The following NT5DC4 variants were observed in gnomAD, a reference collection of about 807,000 sequenced individuals.
The protein encoded by NT5DC4 is 5'-nucleotidase domain containing 4.
NT5DC4 carries 44 observed loss-of-function variants against 26.6 expected under a neutral mutation model. The ratio of observed to expected loss-of-function variants is 1.65; its 90% CI spans 1.30 to 2.13. The LOEUF (loss-of-function observed/expected upper bound fraction) is 2.13. Ranked by LOEUF, NT5DC4 falls within the 30% of genes most tolerant of loss-of-function variation. The pLI is 0.00. For synonymous variants in NT5DC4, 157 were observed against 86.7 expected (o/e 1.81, Z -4.51); for missense variants, 399 against 228.1 (o/e 1.75, Z -4.83).
downstream of NT5DC4, among the ~76,000 whole-genome samples, chr2:112,740,217 G>C (rs1425467738): frequency 6.6e-6 from 1 of 152,176 alleles, no homozygotes; most frequent in Non-Finnish European, 1.5e-5. Context: ...GTGTGTCAGA[G>C]AGTTTAGGAT....
chr2:112,735,967 G>C (rs1679104236), intron 16 of NT5DC4, among the ~76,000 whole-genome samples: 1 of 152,080 alleles, frequency 6.6e-6, no homozygotes, highest in African/African-American at 2.4e-5. Context: ...CTGCTCTTTT[G>C]GGAACTAAGC....
At chr2:112,724,399 G>T in intron 10 of NT5DC4, 2 of 586,218 alleles carry the variant, frequency 3.4e-6, no homozygotes, top group Admixed American at 3.0e-5. Context: ...CGAGGGCATG[G>T]CAGGTCAAAG....
intron 7 of NT5DC4, 116 bp downstream of exon 7, chr2:112,723,290 G>C: frequency 1.4e-6 from 1 of 706,832 alleles, no homozygotes; most frequent in Non-Finnish European, 2.6e-6. Flanking sequence ...TGAGGACTGA[G>C]GTCTGGTCTG....
intron 16 of NT5DC4, among the ~76,000 whole-genome samples, chr2:112,733,440 G>A (rs1219509299): frequency 6.6e-6 from 1 of 151,302 alleles, no homozygotes; most frequent in African/African-American, 2.4e-5. Flanking sequence ...GATGGGGTGG[G>A]AGGGGGGGAC....
upstream of NT5DC4, among the ~76,000 whole-genome samples, chr2:112,719,692 G>A (rs919300754): frequency 3.3e-5 from 5 of 151,724 alleles, no homozygotes; most frequent in Non-Finnish European, 5.9e-5. Context: ...CACCGTGCTG[G>A]CCAGGCTTGT....
At chr2:112,741,617 A>G (rs1679971547), downstream of NT5DC4, among the ~76,000 whole-genome samples, 1 of 152,238 alleles carries the variant, frequency 6.6e-6, no homozygotes, top group Non-Finnish European at 1.5e-5. Context: ...TTCTCTTTTT[A>G]TTCCTTTTAA....
intron 16 of NT5DC4, among the ~76,000 whole-genome samples, chr2:112,730,035 AG>A (rs1199140733): frequency 6.6e-6 from 1 of 152,164 alleles, no homozygotes; most frequent in African/African-American, 2.4e-5. Flanking sequence ...TATTGGAGCC[AG>A]GTGTGGTGTT....
At position 112,722,253 on chromosome 2, in the gene NT5DC4, G is replaced by A. The variant is rs1676981976; in HGVS notation, c.337G>A (p.Ala113Thr). 1.4e-6 allele frequency: 1 copy of A among 716,984 alleles called. No individual in the cohort carries two copies. Among genetic ancestry groups the A allele is most frequent in the Non-Finnish European group, 2.6e-6 (1 of 385,106 alleles). The allele number at this position is 716,984 out of a possible 1,614,324, so 44.4% of individuals were successfully genotyped here. The change falls in exon 4 of 17, where the codon GCC becomes ACC. Residue 113 changes from alanine to threonine, a missense_variant. Transcript: ENST00000688554. ...CGCCCACGGGAATGTGCTGCTGGGTGCCTATGGCTTCACCTTCCTCTCGGA... is the reference window on the plus strand; with the variant it reads ...CGCCCACGGGAATGTGCTGCTGGGTACCTATGGCTTCACCTTCCTCTCGGA... ...VDAHGNVLLG[A>T]YGFTFLSDLP...
At chr2:112,725,864 A>G (rs188412935) in intron 13 of NT5DC4, among the ~76,000 whole-genome samples, 573 of 12,472 alleles carry the variant, frequency 0.046, 4 homozygotes, top group African/African-American at 0.14. Context: ...CACCCACCCC[A>G]AGGATGTTCA....
chr2:112,740,994 G>C (rs754833708), downstream of NT5DC4: 31 of 1,609,834 alleles, frequency 1.9e-5, no homozygotes, highest in Non-Finnish European at 2.5e-5. Flanking sequence ...CAACTAAAGA[G>C]TCAGAAGTAA....
chr2:112,719,948 TTC>T (rs1404457041), upstream of NT5DC4, among the ~76,000 whole-genome samples: 6 of 116,196 alleles, frequency 5.2e-5, no homozygotes, highest in East Asian at 2.2e-4. Context: ...CTTTCTTTCT[TTC>T]TTTCTTTCTT....
downstream of NT5DC4, among the ~76,000 whole-genome samples, chr2:112,740,659 T>C (rs192289519): frequency 4.6e-5 from 7 of 152,232 alleles, no homozygotes; most frequent in South Asian, 2.1e-4. Context: ...GGCGAGACCA[T>C]AGGACGGGGG....
chr2:112,727,696 C>T (rs569844462), intron 15 of NT5DC4, among the ~76,000 whole-genome samples: 9 of 152,266 alleles, frequency 5.9e-5, no homozygotes, highest in East Asian at 5.8e-4. Context: ...CAATGTCCCC[C>T]GGTGAGAGGC....
chr2:112,736,702 G>A (rs1345220759), intron 16 of NT5DC4: 1 of 151,968 alleles, frequency 6.6e-6, no homozygotes, highest in East Asian at 1.9e-4. Flanking sequence ...TTTTTCCTTG[G>A]GTCTGGCTTA....
At position 112,723,495 on chromosome 2, in the gene NT5DC4, G is replaced by A. The variant is rs1252579258; in HGVS notation, c.672+27G>A. On this transcript the variant is annotated intron_variant, in intron 8 of 16. Coordinates refer to ENST00000688554, the MANE Select transcript of NT5DC4 (RefSeq NM_001393655.1). ...TGAGTGGCCACAGACCCAGGGCCAT[G>A]GCCATCACCCCCAAAGCAGCAGGGC... The A allele has an allele frequency of 5.6e-6, 4 of 716,388 alleles. No homozygotes were observed. The African/African-American group carries it at 7.0e-5, about 13-fold the overall frequency. 44.4% of individuals were successfully genotyped at this position (716,388 alleles called of 1,614,324 possible).
chr2:112,730,131 G>C (rs1396995078), intron 16 of NT5DC4, among the ~76,000 whole-genome samples: 2 of 151,902 alleles, frequency 1.3e-5, no homozygotes, highest in Admixed American at 1.3e-4. Context: ...TGGCCAACAT[G>C]GTGAAAACCC....
intron 16 of NT5DC4, among the ~76,000 whole-genome samples, chr2:112,735,421 C>G (rs1679021220): frequency 6.6e-6 from 1 of 152,170 alleles, no homozygotes; most frequent in African/African-American, 2.4e-5. Context: ...TGTGAACCAT[C>G]ATGCCTCTCC....
chr2:112,719,885 CTTTCCTTT>C (rs1351821685), upstream of NT5DC4, among the ~76,000 whole-genome samples: 2 of 79,314 alleles, frequency 2.5e-5, no homozygotes, highest in South Asian at 4.5e-4. Context: ...CTCTTTCTTT[CTTTCCTTT>C]CTTTCTTTCT....
At position 112,726,343 on chromosome 2, in the gene NT5DC4, G is replaced by A. The variant is rs969782037; in HGVS notation, c.1205+54G>A. 3 of 716,372 alleles carry A rather than the reference G, an allele frequency of 4.2e-6. No homozygotes were observed. The African/African-American group carries it at 5.2e-5, about 13-fold the overall frequency. The allele number at this position is 716,372 out of a possible 1,614,324, so 44.4% of individuals were successfully genotyped here. On this transcript the variant is annotated intron_variant, in intron 14 of 16. Transcript: ENST00000688554. ...ATGGGGCAGGGAGAGGTATGGAGGG[G>A]CAGTGGCTCACATCCCTGCCTGGCG...
Sources: gnomAD v4.1 joint callset for allele counts (sites outside exome capture counted in the v4.1 genomes callset) on GRCh38, gnomAD v4.1.1 for gene constraint, MANE v1.5 for transcripts, NCBI Gene and HGNC (gene_info 2026-07-23, HGNC 2026-07-21) for gene names.